Variants in IQANK1 observed in about 807,000 individuals in gnomAD.
IQANK1 encodes the protein IQ motif and ankyrin repeat containing 1.
In IQANK1, 30 loss-of-function variants were observed where a neutral mutation model predicts 22.6. The observed-to-expected ratio is 1.33, with a 90% CI of 0.99 to 1.80. IQANK1 has a LOEUF of 1.80. Among genes scored for constraint, IQANK1 ranks in the 40% most tolerant of loss-of-function variants. The pLI, the probability that IQANK1 is intolerant of heterozygous loss-of-function variation, is 0.00. For synonymous variants in IQANK1, 122 were observed against 99.6 expected, an observed-to-expected ratio of 1.23 and a Z score of -1.34; for missense variants, 275 against 235.2, an observed-to-expected ratio of 1.17 and a Z score of -1.11.
chr8:143,753,458 CTTTTTT>C (rs1343991267), intron 3 of IQANK1, among the ~76,000 whole-genome samples: 1 of 130,408 alleles, frequency 7.7e-6, no homozygotes, highest in Admixed American at 7.7e-5. Context: ...GGGAAAGTTT[CTTTTTT>C]TTTTTTTTTT....
At chr8:143,780,367 A>G (rs1819774875) in intron 7 of IQANK1, among the ~76,000 whole-genome samples, 1 of 151,942 alleles carries the variant, frequency 6.6e-6, no homozygotes, top group Non-Finnish European at 1.5e-5. Context: ...GGTACATGTG[A>G]AGGTTTGTTA....
Position 143,790,146 on chromosome 8 carries a change from T to C in IQANK1, c.1299T>C (p.Leu433=), listed in dbSNP as rs1371650878. The C allele has an allele frequency of 8.1e-7, 1 of 1,229,894 alleles. No individual in the cohort carries two copies. The highest frequency in any genetic ancestry group is 1.6e-5 in the African/African-American group (1 of 64,416). The allele number at this position is 1,229,894 out of a possible 1,614,324, so 76.2% of individuals were successfully genotyped here. The change falls in exon 13 of 14, where the codon CTT becomes CTC. Residue 433 remains leucine (L), a synonymous_variant. Coordinates refer to ENST00000527139, the MANE Select transcript of IQANK1 (RefSeq NM_001381874.1). Reference sequence around the variant, plus strand: ...TGATGGGTGTCCCCAGGTGGCCTCTTGTTATTGACCCTTTGGGCCAGGCGG... The same window carrying C: ...TGATGGGTGTCCCCAGGTGGCCTCTCGTTATTGACCCTTTGGGCCAGGCGG... ...NRIRADGRWP[L]VIDPLGQAAT...
chr8:143,789,965 C>T lies in IQANK1; in HGVS notation c.1196-6C>T, dbSNP rs573967454. On this transcript the variant is annotated splice_region_variant and splice_polypyrimidine_tract_variant and intron_variant, in intron 11 of 13. Transcript: ENST00000527139. Reference sequence around the variant, plus strand: ...GCCTGTCAGCTGCACTCTGCTACCCCGACAGGGGAGGAAGAGGCGCCTGGG... The same window carrying T: ...GCCTGTCAGCTGCACTCTGCTACCCTGACAGGGGAGGAAGAGGCGCCTGGG... 4.8e-5 allele frequency: 59 copies of T among 1,231,978 alleles called. No individual in the cohort carries two copies. The South Asian group carries it at 1.4e-3, about 30-fold the overall frequency. The allele number at this position is 1,231,978 out of a possible 1,614,324, so 76.3% of individuals were successfully genotyped here. A position where few individuals can be genotyped will look rare whatever the true frequency, so the allele number is the denominator to read the frequency against.
At chr8:143,750,215 C>G (rs1819163527) in intron 3 of IQANK1, among the ~76,000 whole-genome samples, 1 of 151,990 alleles carries the variant, frequency 6.6e-6, no homozygotes, top group African/African-American at 2.4e-5. Context: ...TCAGGGTGGT[C>G]TCGAACCCCC....
rs1468616432 is a variant in IQANK1 at position 143,735,472 on chromosome 8, G to A, written c.-4-378G>A. ...GAGGCATGGAGGCTTCAGCAGAGAG[G>A]GCCATGCTCATGATTACGGTGAGAA... On this transcript the variant is annotated intron_variant, in intron 1 of 13. Coordinates refer to ENST00000527139, the MANE Select transcript of IQANK1 (RefSeq NM_001381874.1). This position sits in a 1 kb window ranked among gnomAD's most constrained non-coding sequence, Gnocchi z 5.2. Among the ~76,000 whole-genome samples the A allele has an allele frequency of 5.3e-5, 8 of 150,614 alleles. No homozygotes were observed. The highest frequency in any genetic ancestry group is 2.6e-4 in the Admixed American group (4 of 15,270).
chr8:143,777,331 C>T (rs945598954), intron 7 of IQANK1, among the ~76,000 whole-genome samples: 2 of 151,760 alleles, frequency 1.3e-5, no homozygotes, highest in Non-Finnish European at 2.9e-5. Context: ...GGCTGGCTAA[C>T]ATGGTGAAAC....
chr8:143,771,982 G>A lies in IQANK1; in HGVS notation c.471+17G>A, dbSNP rs1164547393. ...CTGAAGGAGGTCAGCGGGGGCGGGAGGAGGACGAGGGCGGGGGGTGGGGTG... is the reference window on the plus strand; with the variant it reads ...CTGAAGGAGGTCAGCGGGGGCGGGAAGAGGACGAGGGCGGGGGGTGGGGTG... On this transcript the variant is annotated intron_variant, in intron 5 of 13. Coordinates refer to ENST00000527139, the MANE Select transcript of IQANK1 (RefSeq NM_001381874.1). This position sits in a 1 kb window ranked among gnomAD's most constrained non-coding sequence, Gnocchi z 6.0. The A allele has an allele frequency of 2.8e-5, 4 of 144,544 alleles. No individual in the cohort carries two copies. Among genetic ancestry groups the A allele is most frequent in the African/African-American group, 1.0e-4 (4 of 39,034 alleles). 9.0% of individuals were successfully genotyped at this position (144,544 alleles called of 1,614,324 possible). A position where few individuals can be genotyped will look rare whatever the true frequency, so the allele number is the denominator to read the frequency against.
At position 143,763,707 on chromosome 8, in the gene IQANK1, A is replaced by G. The variant is rs782801917; in HGVS notation, c.176-7781A>G. Among the ~76,000 whole-genome samples, 39 of 152,246 alleles carry G rather than the reference A, an allele frequency of 2.6e-4. 1 individual carries two copies. Among genetic ancestry groups the G allele is most frequent in the Non-Finnish European group, 2.2e-4 (15 of 68,040 alleles). On this transcript the variant is annotated intron_variant, in intron 3 of 13. Coordinates refer to ENST00000527139, the MANE Select transcript of IQANK1 (RefSeq NM_001381874.1). ...CCTGAGGCCTCCCCAGAAGCAGAGC[A>G]GATGCAGGTGCCATGCTTGTGCAGC...
chr8:143,761,054 C>T (rs1449241797), intron 3 of IQANK1, among the ~76,000 whole-genome samples: 9 of 152,190 alleles, frequency 5.9e-5, no homozygotes, highest in Non-Finnish European at 1.2e-4. Flanking sequence ...GAAGACCCAT[C>T]CTGAACCAGG....
At chr8:143,775,470 T>A (rs1300416254) in intron 7 of IQANK1, among the ~76,000 whole-genome samples, 2 of 151,732 alleles carry the variant, frequency 1.3e-5, no homozygotes, top group Non-Finnish European at 2.9e-5. Context: ...TAAAAGTTAT[T>A]ATAGCTGAGG....
chr8:143,769,552 C>A (rs956594008), intron 3 of IQANK1, among the ~76,000 whole-genome samples: 37 of 152,140 alleles, frequency 2.4e-4, no homozygotes, highest in Admixed American at 2.0e-3. Flanking sequence ...CAAATTGCAT[C>A]CTGTTTATTA....
intron 3 of IQANK1, among the ~76,000 whole-genome samples, chr8:143,755,303 A>G (rs1394376360): frequency 6.6e-6 from 1 of 152,200 alleles, no homozygotes; most frequent in Non-Finnish European, 1.5e-5. Flanking sequence ...TAGCTGGAAA[A>G]TAAGTTCCTT....
chr8:143,749,015 A>G (rs1181141969), intron 3 of IQANK1, among the ~76,000 whole-genome samples: 2 of 120,940 alleles, frequency 1.7e-5, no homozygotes, highest in Non-Finnish European at 3.1e-5. Flanking sequence ...TATATATCAT[A>G]TATAAAATAT....
At chr8:143,756,976 T>TG (rs782754710) in intron 3 of IQANK1, among the ~76,000 whole-genome samples, 32 of 147,658 alleles carry the variant, frequency 2.2e-4, no homozygotes, top group East Asian at 4.0e-4. Context: ...GGACCCTGTC[T>TG]AAAAAAAAAA....
intron 7 of IQANK1, among the ~76,000 whole-genome samples, chr8:143,785,928 C>T (rs532337094): frequency 3.4e-4 from 52 of 151,974 alleles, no homozygotes; most frequent in African/African-American, 1.1e-3. Context: ...GGTTTCACCA[C>T]GTTGGCCAGG....
At chr8:143,775,622 C>T (rs548372148) in intron 7 of IQANK1, among the ~76,000 whole-genome samples, 134 of 152,046 alleles carry the variant, frequency 8.8e-4, no homozygotes, top group African/African-American at 2.9e-3. Context: ...AGCTGCTGGG[C>T]GTGGTGGTGG....
At position 143,758,440 on chromosome 8, in the gene IQANK1, G is replaced by T. The variant is rs1485983911; in HGVS notation, c.176-13048G>T. On this transcript the variant is annotated intron_variant, in intron 3 of 13. Transcript: ENST00000527139. The surrounding 1 kb of genome is among the most constrained non-coding windows in gnomAD (Gnocchi z 4.2). ...AATGTGCCATTGCACTCCAGCCTGG[G>T]CAACAAGAGCGAAACTCCATCTCAA... 6.6e-6 allele frequency: 1 copy of T among 152,212 alleles called. No homozygotes were observed. Among genetic ancestry groups the T allele is most frequent in the Non-Finnish European group, 1.5e-5 (1 of 68,184 alleles). The allele number at this position is 152,212 out of a possible 1,614,324, so 9.4% of individuals were successfully genotyped here.
intron 3 of IQANK1, among the ~76,000 whole-genome samples, chr8:143,764,146 A>AAGGACTCGGCGGCAGAGG (rs1429495569): frequency 7.2e-5 from 11 of 152,268 alleles, no homozygotes; most frequent in African/African-American, 2.6e-4. Flanking sequence ...GGCCCGCCGG[A>AAGGACTCGGCGGCAGAGG]AGGACTCGGC....
chr8:143,777,928 C>T (rs1005695222), intron 7 of IQANK1, among the ~76,000 whole-genome samples: 1 of 152,174 alleles, frequency 6.6e-6, no homozygotes, highest in African/African-American at 2.4e-5. Context: ...GGCGCGGTGG[C>T]TCACGCCTGT....
Sources: allele counts gnomAD v4.1 joint callset (sites outside exome capture counted in the v4.1 genomes callset), GRCh38; gene constraint gnomAD v4.1.1; non-coding constraint Gnocchi (gnomAD v3.1); transcripts MANE v1.5; gene names NCBI Gene and HGNC (gene_info 2026-07-23, HGNC 2026-07-21).